The following NADSYN1 variants were observed in gnomAD, a reference collection of about 807,000 sequenced individuals.
NADSYN1 encodes NAD synthetase 1.
NADSYN1 carries 80 observed loss-of-function variants against 99.3 expected under a neutral mutation model. The ratio of observed to expected loss-of-function variants is 0.81; its 90% CI spans 0.67 to 0.97. NADSYN1 has a LOEUF of 0.97. Ranked by LOEUF, NADSYN1 falls within the 50% of genes least tolerant of loss-of-function variation. The probability of loss-of-function intolerance (pLI) is 0.00; values close to 1 mark genes in which losing one functional copy is unlikely to be tolerated. For synonymous variants in NADSYN1, 385 were observed against 372.1 expected (o/e 1.03, Z -0.40); for missense variants, 859 against 948.5 (o/e 0.91, Z 1.24).
At chr11:71,463,630 T>C (rs1949566181) in intron 4 of NADSYN1, 145 bp downstream of exon 4, 1 of 718,644 alleles carries the variant, frequency 1.4e-6, no homozygotes, top group Non-Finnish European at 2.3e-6. Context: ...TGAGGGCCGA[T>C]GCACCAGGCA....
chr11:71,484,250 A>G, intron 14 of NADSYN1, 62 bp from the exon 15 acceptor site: 1 of 1,581,756 alleles, frequency 6.3e-7, no homozygotes, highest in Admixed American at 1.7e-5. Flanking sequence ...TTCACCGCTC[A>G]TGCGCACACA....
intron 20 of NADSYN1, chr11:71,499,578 CTAAT>C (rs1949844188): frequency 1.3e-5 from 2 of 152,238 alleles, no homozygotes; most frequent in South Asian, 4.1e-4. Flanking sequence ...TTTTCTTTTT[CTAAT>C]TAATTATTAA....
At chr11:71,461,173 A>G (rs990525830) in intron 3 of NADSYN1, among the ~76,000 whole-genome samples, 4 of 152,114 alleles carry the variant, frequency 2.6e-5, no homozygotes, top group African/African-American at 9.7e-5. Context: ...TTATGTGTTC[A>G]GTGGTAAAAT....
chr11:71,476,113 G>T (rs2120454705), intron 9 of NADSYN1: 2 of 456,290 alleles, frequency 4.4e-6, no homozygotes, highest in South Asian at 3.1e-5. Flanking sequence ...GTAACTTTTA[G>T]TTCTGCCCCA....
intron 18 of NADSYN1, among the ~76,000 whole-genome samples, chr11:71,494,397 G>T (rs978905439): frequency 6.6e-6 from 1 of 152,196 alleles, no homozygotes; most frequent in Non-Finnish European, 1.5e-5. Context: ...GAGCACAGGT[G>T]CATAGGAGGC....
chr11:71,453,296 G>T lies in NADSYN1; in HGVS notation c.-1G>T. On this transcript the variant is annotated 5_prime_UTR_variant, in exon 1 of 21. Coordinates refer to ENST00000319023, the MANE Select transcript of NADSYN1 (RefSeq NM_018161.5). ...CTCCTGCCCAAGCGACTGCGGCCAG[G>T]ATGGGCCGGAAGGTGACCGTGGCCA... 1 of 1,613,404 alleles carries T rather than the reference G, an allele frequency of 6.2e-7. No individual in the cohort carries two copies. Among genetic ancestry groups the T allele is most frequent in the Non-Finnish European group, 8.5e-7 (1 of 1,179,622 alleles).
intron 20 of NADSYN1, among the ~76,000 whole-genome samples, chr11:71,500,782 G>A (rs1317060454): frequency 6.6e-6 from 1 of 152,170 alleles, no homozygotes; most frequent in African/African-American, 2.4e-5. Context: ...GTGGCTGGAC[G>A]GAGCCCACAC....
intron 8 of NADSYN1, among the ~76,000 whole-genome samples, chr11:71,474,013 C>T (rs1027587788): frequency 1.5e-4 from 23 of 152,208 alleles, no homozygotes; most frequent in African/African-American, 4.8e-4. Flanking sequence ...GGCAGTGAGA[C>T]GTGCGAGGGG....
rs778473247 is a variant in NADSYN1, at chr11:71,453,380, G to T, written c.84G>T (p.Lys28Asn). 432 of 1,613,224 alleles carry T rather than the reference G, an allele frequency of 2.7e-4. No homozygotes were observed. Among genetic ancestry groups the T allele is most frequent in the Non-Finnish European group, 3.3e-4 (395 of 1,179,522 alleles). The change falls in exon 1 of 21, where the codon AAG becomes AAT. Residue 28 changes from lysine (K) to asparagine (N), a missense_variant and splice_region_variant. Lys to Asn is a moderately conservative substitution (Grantham distance 94). Coordinates refer to ENST00000319023, the MANE Select transcript of NADSYN1 (RefSeq NM_018161.5). ...AGGGCAATTTGCAAAGAATTTTAAAGAGTGAGTCTGGGGCGGCGGGGGCAC... is the reference window on the plus strand; with the variant it reads ...AGGGCAATTTGCAAAGAATTTTAAATAGTGAGTCTGGGGCGGCGGGGGCAC... ...DFEGNLQRIL[K>N]SIEIAKNRGA...
Position 71,482,993 on chromosome 11 carries a change from G to C in NADSYN1, c.1295G>C (p.Arg432Thr), listed in dbSNP as rs1308818046. 2 of 1,612,214 alleles carry C rather than the reference G, an allele frequency of 1.2e-6. No homozygotes were observed. The highest frequency in any genetic ancestry group is 2.2e-5 in the East Asian group (1 of 44,894). Residue 432 changes from arginine (R) to threonine (T), a missense_variant, in exon 14 of 21, where the codon AGA (arginine) becomes ACA (threonine). By Grantham distance (71) the Arg-to-Thr change is moderately conservative (BLOSUM62 -1). Coordinates refer to ENST00000319023, the MANE Select transcript of NADSYN1 (RefSeq NM_018161.5). ...NSSQETCTRA[R>T]ELAQQIGSHH... is the part of the protein sequence containing the mutation. ...TCCCAGGAGACGTGCACCCGGGCCA[G>C]AGAGTTGGCCCAGCAGATTGGAAGG...
At chr11:71,489,713 C>A (rs1252069299) in intron 16 of NADSYN1, among the ~76,000 whole-genome samples, 1 of 152,210 alleles carries the variant, frequency 6.6e-6, no homozygotes, top group African/African-American at 2.4e-5. Flanking sequence ...TGTTGGGACC[C>A]TGGGGGTCTT....
At chr11:71,473,093 C>T (rs575642142) in intron 6 of NADSYN1, among the ~76,000 whole-genome samples, 185 bp from the exon 7 acceptor site, 4 of 152,354 alleles carry the variant, frequency 2.6e-5, no homozygotes, top group Middle Eastern at 3.4e-3. Context: ...CTCCTAAGGG[C>T]GTCTCTGCCT....
intron 10 of NADSYN1, 186 bp downstream of exon 10, chr11:71,478,655 G>A (rs545002870): frequency 2.6e-5 from 15 of 584,448 alleles, no homozygotes; most frequent in South Asian, 7.6e-5. Context: ...TCTGTTCCCC[G>A]TCATCCTCTG....
intron 18 of NADSYN1, 126 bp downstream of exon 18, chr11:71,492,029 C>T: frequency 4.7e-6 from 4 of 854,248 alleles, no homozygotes; most frequent in Middle Eastern, 3.3e-4. Context: ...GGTCCCTGGC[C>T]TGGGTGCCCA....
At chr11:71,463,325 T>C (rs1949562984) in intron 3 of NADSYN1, 107 bp from the exon 4 acceptor site, 8 of 1,011,002 alleles carry the variant, frequency 7.9e-6, no homozygotes, top group South Asian at 4.1e-5. Flanking sequence ...CGGAGGAAGC[T>C]TCGTAGTAAA....
Position 71,498,440 on chromosome 11 carries a change from ACT to A in NADSYN1, c.1983_1984del (p.Asn661LysfsTer4), listed in dbSNP as rs768758778. The A allele has an allele frequency of 6.2e-7, 1 of 1,614,198 alleles. No homozygotes were observed. The highest frequency in any genetic ancestry group is 8.5e-7 in the Non-Finnish European group (1 of 1,180,034). On this transcript the variant is annotated frameshift_variant, in exon 20 of 21. Coordinates refer to ENST00000319023, the MANE Select transcript of NADSYN1 (RefSeq NM_018161.5). LOFTEE classifies it high-confidence loss of function. The stretch of plus-strand genomic sequence containing the variant: ...CTCACACCCGCGTACCACGCCGAGA[ACT>A]ACAGCCCTGAGGACAACAGGTTTGA...
chr11:71,455,570 G>C (rs1949507998), intron 2 of NADSYN1: 1 of 186,192 alleles, frequency 5.4e-6, no homozygotes, highest in Admixed American at 5.5e-5. Flanking sequence ...CATGAGAGTG[G>C]AGCCTGCATG....
chr11:71,492,033 GTGC>G, intron 18 of NADSYN1, 130 bp downstream of exon 18: 1 of 802,156 alleles, frequency 1.2e-6, no homozygotes, highest in Non-Finnish European at 2.0e-6. Flanking sequence ...CCTGGCCTGG[GTGC>G]CCAGGGCTCA....
At chr11:71,464,867 CAAAAAAAAAAAAA>C (rs926724365) in intron 5 of NADSYN1, among the ~76,000 whole-genome samples, 84 of 40,514 alleles carry the variant, frequency 2.1e-3, no homozygotes, top group Admixed American at 4.4e-3. Flanking sequence ...GACTCTGTCT[CAAAAAAAAAAAAA>C]AAAAAAAAAA....
Sources: gnomAD v4.1 joint callset for allele counts (sites outside exome capture counted in the v4.1 genomes callset) on GRCh38, gnomAD v4.1.1 for gene constraint, MANE v1.5 for transcripts, NCBI Gene and HGNC (gene_info 2026-07-23, HGNC 2026-07-21) for gene names.